SOS1: variants seen among roughly 807,000 people sequenced by gnomAD.
SOS1 encodes the protein son of sevenless homolog 1.
SOS1 carries 25 observed loss-of-function variants against 157.6 expected under a neutral mutation model. That is an observed-to-expected ratio of 0.16 (90% CI 0.12 to 0.22). The LOEUF (loss-of-function observed/expected upper bound fraction) is 0.22. Among genes scored for constraint, SOS1 ranks in the 10% least tolerant of loss-of-function variants. The probability of loss-of-function intolerance (pLI) is 1.00; values close to 1 mark genes in which losing one functional copy is unlikely to be tolerated. For missense variants in SOS1, 1,237 were observed against 1,599.1 expected (o/e 0.77, Z 3.86); for synonymous variants, 528 against 534.0 (o/e 0.99, Z 0.16).
chr2:39,013,567 T>C lies in SOS1; in HGVS notation c.2064-4A>G. 3 of 1,534,820 alleles carry C rather than the reference T, an allele frequency of 2.0e-6. No homozygotes were observed. The highest frequency in any genetic ancestry group is 2.7e-6 in the Non-Finnish European group (3 of 1,107,694). ...GTGCCGACATACATTTAATACTCTA[T>C]GGCATTAACACAGAATTGAATTACA... On this transcript the variant is annotated splice_region_variant and splice_polypyrimidine_tract_variant and intron_variant, in intron 12 of 22. Transcript: ENST00000402219.
At chr2:38,992,780 C>T (rs944094107) in intron 20 of SOS1, 1 of 152,086 alleles carries the variant, frequency 6.6e-6, no homozygotes, top group African/African-American at 2.4e-5. Flanking sequence ...TTAAATGGGT[C>T]AGAATAAATA....
intron 8 of SOS1, among the ~76,000 whole-genome samples, chr2:39,027,512 A>C (rs1670003316): frequency 6.6e-6 from 1 of 152,228 alleles, no homozygotes. Context: ...CTTTTACTTA[A>C]CATAGCTAAT....
At chr2:39,057,017 A>G (rs1028134226) in intron 3 of SOS1, 151 bp from the exon 4 acceptor site, 12 of 657,776 alleles carry the variant, frequency 1.8e-5, no homozygotes, top group Non-Finnish European at 2.7e-5. Flanking sequence ...GTGGTTCAAC[A>G]ATGAATAATA....
At chr2:39,032,289 A>C (rs962657838) in intron 8 of SOS1, among the ~76,000 whole-genome samples, 1 of 151,728 alleles carries the variant, frequency 6.6e-6, no homozygotes, top group Non-Finnish European at 1.5e-5. Context: ...CTACTCCCCT[A>C]CCCTCCAGCC....
intron 1 of SOS1, among the ~76,000 whole-genome samples, chr2:39,099,709 A>G (rs939748544): frequency 6.6e-6 from 1 of 152,146 alleles, no homozygotes; most frequent in Non-Finnish European, 1.5e-5. Flanking sequence ...GGCACCCTAC[A>G]GACTGGGAGA....
intron 6 of SOS1, among the ~76,000 whole-genome samples, chr2:39,046,609 A>G (rs931634493): frequency 1.3e-5 from 2 of 148,726 alleles, no homozygotes; most frequent in Non-Finnish European, 3.0e-5. Context: ...GGTTCACGCC[A>G]TTCTCCTGCC....
At chr2:39,058,074 G>C (rs1671273032) in intron 3 of SOS1, among the ~76,000 whole-genome samples, 1 of 152,062 alleles carries the variant, frequency 6.6e-6, no homozygotes, top group South Asian at 2.1e-4. Context: ...TGGCATCTAA[G>C]TTTTTAATTA....
At chr2:39,027,140 T>G (rs2124545976) in intron 8 of SOS1, among the ~76,000 whole-genome samples, 1 of 152,342 alleles carries the variant, frequency 6.6e-6, no homozygotes, top group South Asian at 2.1e-4. Flanking sequence ...GGATACATTT[T>G]TTATATTTTT....
chr2:39,111,356 T>G (rs1163096478), intron 1 of SOS1, among the ~76,000 whole-genome samples: 1 of 152,150 alleles, frequency 6.6e-6, no homozygotes, highest in Non-Finnish European at 1.5e-5. Context: ...GGTATACGAG[T>G]GTTTACTGTA....
At chr2:39,024,584 G>A (rs537333031) in intron 8 of SOS1, among the ~76,000 whole-genome samples, 2 of 151,946 alleles carry the variant, frequency 1.3e-5, no homozygotes, top group South Asian at 2.1e-4. Flanking sequence ...TACAGAGAAC[G>A]ATGCAATATA....
chr2:39,023,344 T>C (rs898693273), intron 9 of SOS1, 119 bp from the exon 10 acceptor site: 12 of 686,418 alleles, frequency 1.7e-5, no homozygotes, highest in Non-Finnish European at 2.2e-5. Flanking sequence ...TATTCACTAA[T>C]TCCCCAAATA....
chr2:39,107,610 G>C (rs1673247839), intron 1 of SOS1, among the ~76,000 whole-genome samples: 1 of 149,774 alleles, frequency 6.7e-6, no homozygotes, highest in African/African-American at 2.5e-5. Flanking sequence ...GCTTCTAAGA[G>C]GTCCTGGACT....
chr2:38,989,210 A>C, intron 21 of SOS1, 60 bp downstream of exon 21: 2 of 1,163,418 alleles, frequency 1.7e-6, no homozygotes, highest in South Asian at 2.5e-5. Flanking sequence ...GAAAGGTTAC[A>C]CTTGGTTTGA....
intron 6 of SOS1, among the ~76,000 whole-genome samples, chr2:39,041,886 T>C (rs1670584917): frequency 6.6e-6 from 1 of 152,354 alleles, no homozygotes; most frequent in South Asian, 2.1e-4. Flanking sequence ...AGATTTTTAA[T>C]CTGTTGAGTA....
intron 21 of SOS1, 124 bp downstream of exon 21, chr2:38,989,146 A>G (rs190498536): frequency 4.1e-5 from 29 of 712,264 alleles, no homozygotes; most frequent in Non-Finnish European, 6.5e-5. Context: ...CCTCACTTCT[A>G]GGATGTTGCA....
In SOS1 at chr2:39,035,901, GT is replaced by G. The variant is rs1670325788; in HGVS notation, c.865-402del. ...TACTGAAGCCAGACATGTTTTTATA[GT>G]TCTCAGTGGTGGACATGTACTTTCG... On this transcript the variant is annotated intron_variant, in intron 6 of 22. Coordinates refer to ENST00000402219, the MANE Select transcript of SOS1 (RefSeq NM_005633.4). 6.6e-5 allele frequency among the ~76,000 whole-genome samples: 10 copies of G among 152,262 alleles called. No homozygotes were observed. In the South Asian group the frequency reaches 2.1e-3, roughly 32 times the overall value.
intron 13 of SOS1, among the ~76,000 whole-genome samples, 163 bp from the exon 14 acceptor site, chr2:39,012,511 G>A (rs904241568): frequency 1.3e-5 from 2 of 151,792 alleles, no homozygotes; most frequent in South Asian, 2.1e-4. Context: ...TCCATTTCCC[G>A]GTCCCCAATC....
chr2:38,998,052 A>G (rs1276258195), intron 17 of SOS1, among the ~76,000 whole-genome samples: 1 of 152,176 alleles, frequency 6.6e-6, no homozygotes, highest in Non-Finnish European at 1.5e-5. Flanking sequence ...CATACGATTT[A>G]TGTAAATTCT....
At chr2:38,996,065 A>T (rs1668879268) in intron 19 of SOS1, among the ~76,000 whole-genome samples, 1 of 151,996 alleles carries the variant, frequency 6.6e-6, no homozygotes, top group Non-Finnish European at 1.5e-5. Flanking sequence ...CTTAGAAGCC[A>T]TCTATGTTTA....
Sources: allele counts gnomAD v4.1 joint callset (sites outside exome capture counted in the v4.1 genomes callset), GRCh38; gene constraint gnomAD v4.1.1; transcripts MANE v1.5; gene names NCBI Gene and HGNC (gene_info 2026-07-23, HGNC 2026-07-21).